BZW2: variants seen among roughly 807,000 people sequenced by gnomAD.
BZW2 encodes the protein basic leucine zipper and W2 domains 2.
A neutral mutation model predicts 53.2 loss-of-function variants in BZW2; 23 were observed. The observed-to-expected ratio is 0.43, with a 90% CI of 0.31 to 0.61. The LOEUF is 0.61. Among genes scored for constraint, BZW2 ranks in the 20% least tolerant of loss-of-function variants. BZW2 has a pLI of 0.09. For missense variants in BZW2, 409 were observed against 503.1 expected (o/e 0.81, Z 1.79); for synonymous variants, 227 against 186.4 (o/e 1.22, Z -1.77).
chr7:16,702,491 A>G (rs893911955), intron 10 of BZW2, among the ~76,000 whole-genome samples: 1 of 152,152 alleles, frequency 6.6e-6, no homozygotes, highest in African/African-American at 2.4e-5. Context: ...ATTAATGGTA[A>G]CTTAAGAATA....
At chr7:16,649,334 A>G (rs1007068470) in intron 1 of BZW2, among the ~76,000 whole-genome samples, 2 of 152,114 alleles carry the variant, frequency 1.3e-5, no homozygotes, top group Non-Finnish European at 1.5e-5. Flanking sequence ...TTTTAGGTGG[A>G]TTTGTTTTCC....
intron 5 of BZW2, among the ~76,000 whole-genome samples, chr7:16,684,550 G>T (rs935904844): frequency 6.6e-6 from 1 of 152,126 alleles, no homozygotes; most frequent in Non-Finnish European, 1.5e-5. Flanking sequence ...TGAGCTTAAA[G>T]AAGTGGTGTT....
Position 16,704,682 on chromosome 7 carries a change from T to C in BZW2, c.1231+13T>C. ...AATGCAGAAGAAGGTATGATTCTGT[T>C]TACAAACATTGATGACCTTTAAACA... On this transcript the variant is annotated intron_variant, in intron 11 of 11. Coordinates refer to ENST00000258761, the MANE Select transcript of BZW2 (RefSeq NM_014038.3). The C allele has an allele frequency of 6.4e-7, 1 of 1,557,480 alleles. No homozygotes were observed. Among genetic ancestry groups the C allele is most frequent in the Non-Finnish European group, 8.8e-7 (1 of 1,137,952 alleles).
intron 3 of BZW2, 52 bp downstream of exon 3, chr7:16,674,640 G>T (rs911620721): frequency 2.2e-5 from 29 of 1,341,662 alleles, no homozygotes; most frequent in Non-Finnish European, 2.8e-5. Flanking sequence ...TTTTAATTCT[G>T]TTGAAGTATT....
intron 1 of BZW2, among the ~76,000 whole-genome samples, chr7:16,647,857 A>T (rs975067113): frequency 5.3e-5 from 8 of 152,354 alleles, no homozygotes; most frequent in Non-Finnish European, 8.8e-5. Context: ...CATTGCTAGT[A>T]TTTCCATCTC....
At chr7:16,654,125 T>G (rs1029131496) in intron 1 of BZW2, among the ~76,000 whole-genome samples, 5 of 147,382 alleles carry the variant, frequency 3.4e-5, no homozygotes, top group Admixed American at 6.8e-5. Context: ...AAAAATTAAT[T>G]ACTTGGGAGA....
chr7:16,647,569 T>C (rs1562471917), intron 1 of BZW2, among the ~76,000 whole-genome samples: 1 of 152,178 alleles, frequency 6.6e-6, no homozygotes, highest in East Asian at 1.9e-4. Context: ...AGCCAGAACA[T>C]CTTACATGAA....
chr7:16,685,987 C>T lies in BZW2; in HGVS notation c.488C>T (p.Thr163Ile), dbSNP rs374366357. 3.9e-5 allele frequency: 63 copies of T among 1,603,248 alleles called. No individual in the cohort carries two copies. In the African/African-American group the frequency reaches 6.0e-4, roughly 15 times the overall value. The change falls in exon 6 of 12, where the codon ACC (threonine) becomes ATC (isoleucine). Residue 163 changes from threonine (T) to isoleucine (I), a missense_variant. Physicochemically the swap from Thr to Ile is moderately conservative, Grantham distance 89. Coordinates refer to ENST00000258761, the MANE Select transcript of BZW2 (RefSeq NM_014038.3). ...TCGGGGATTCTGCTGGGCAATGGCA[C>T]CCTGCCCGCCACCATCCTCACCAGT... is the stretch of plus-strand genomic sequence containing the variant. ...MLSGILLGNG[T>I]LPATILTSLF...
chr7:16,666,861 T>C (rs1476595110), intron 2 of BZW2, among the ~76,000 whole-genome samples: 2 of 152,164 alleles, frequency 1.3e-5, no homozygotes, highest in Non-Finnish European at 1.5e-5. Context: ...GCGATGTTCA[T>C]GTCTTAGCCT....
chr7:16,648,630 A>T (rs1781921783), intron 1 of BZW2, among the ~76,000 whole-genome samples: 2 of 152,288 alleles, frequency 1.3e-5, no homozygotes, highest in Non-Finnish European at 2.9e-5. Context: ...CACAGAATAG[A>T]GGGCTGGGTC....
chr7:16,683,154 C>G (rs1364888703), intron 5 of BZW2, among the ~76,000 whole-genome samples: 2 of 152,086 alleles, frequency 1.3e-5, no homozygotes, highest in Non-Finnish European at 2.9e-5. Flanking sequence ...CGAGATCACT[C>G]CACTGCACTC....
chr7:16,704,806 C>A, intron 11 of BZW2, 137 bp downstream of exon 11: 1 of 921,192 alleles, frequency 1.1e-6, no homozygotes, highest in Non-Finnish European at 1.5e-6. Context: ...AAACATTTTG[C>A]CAACATCTTA....
chr7:16,670,717 A>G (rs1028786662), intron 2 of BZW2, among the ~76,000 whole-genome samples: 1 of 152,150 alleles, frequency 6.6e-6, no homozygotes, highest in Non-Finnish European at 1.5e-5. Context: ...CACCTAATGT[A>G]TTCCTCTAGA....
At chr7:16,666,015 G>C (rs1562480334) in intron 2 of BZW2, among the ~76,000 whole-genome samples, 1 of 152,116 alleles carries the variant, frequency 6.6e-6, no homozygotes, top group Non-Finnish European at 1.5e-5. Context: ...CCATTTTGAT[G>C]ATGACTGGTA....
intron 7 of BZW2, among the ~76,000 whole-genome samples, chr7:16,691,570 T>G (rs1249257817): frequency 1.3e-5 from 2 of 152,192 alleles, no homozygotes; most frequent in Non-Finnish European, 2.9e-5. Flanking sequence ...ACGTCTCAAG[T>G]ACCTTAAAAA....
chr7:16,666,760 C>G (rs1414027599), intron 2 of BZW2, among the ~76,000 whole-genome samples: 1 of 152,066 alleles, frequency 6.6e-6, no homozygotes, highest in Non-Finnish European at 1.5e-5. Context: ...ACTCAACCTC[C>G]TGGGCTCCAG....
chr7:16,679,117 A>G (rs534450995), intron 3 of BZW2, among the ~76,000 whole-genome samples: 1 of 152,266 alleles, frequency 6.6e-6, no homozygotes, highest in Admixed American at 6.5e-5. Flanking sequence ...GCCAGGCTGG[A>G]ATTTCCCAAT....
chr7:16,660,244 C>T (rs1026823239), intron 1 of BZW2, among the ~76,000 whole-genome samples: 5 of 151,858 alleles, frequency 3.3e-5, no homozygotes, highest in Non-Finnish European at 7.4e-5. Context: ...GAAACCCTGT[C>T]TCTATCAAAA....
chr7:16,686,895 A>G (rs1245046844), intron 6 of BZW2: 4 of 152,228 alleles, frequency 2.6e-5, no homozygotes, highest in Admixed American at 2.6e-4. Flanking sequence ...ATTTATGACA[A>G]TTCAGACTCT....
Sources: gnomAD v4.1 joint callset for allele counts (sites outside exome capture counted in the v4.1 genomes callset) on GRCh38, gnomAD v4.1.1 for gene constraint, MANE v1.5 for transcripts, NCBI Gene and HGNC (gene_info 2026-07-23, HGNC 2026-07-21) for gene names.